SYNPR: variants seen among roughly 807,000 people sequenced by gnomAD.
SYNPR encodes the protein synaptoporin.
A neutral mutation model predicts 32.9 loss-of-function variants in SYNPR; 23 were observed. That is an observed-to-expected ratio of 0.70 (90% CI 0.50 to 0.99). SYNPR has a LOEUF of 0.99. Ranked by LOEUF, SYNPR falls within the 50% of genes least tolerant of loss-of-function variation. The pLI is 0.00. For missense variants in SYNPR, 318 were observed against 349.3 expected (o/e 0.91, Z 0.71); for synonymous variants, 146 against 135.9 (o/e 1.07, Z -0.52).
intron 1 of SYNPR, chr3:63,252,455 G>C (rs909664406): frequency 2.0e-5 from 3 of 152,084 alleles, no homozygotes. Flanking sequence ...TTTGGCTGTA[G>C]CATAAATCTG....
intron 2 of SYNPR, among the ~76,000 whole-genome samples, chr3:63,328,792 G>A (rs923620499): frequency 6.6e-6 from 1 of 152,090 alleles, no homozygotes; most frequent in African/African-American, 2.4e-5. Context: ...TTTATTGGTG[G>A]CTTCTGTTTA....
chr3:63,363,659 G>A (rs1418075243), intron 2 of SYNPR, among the ~76,000 whole-genome samples: 1 of 152,124 alleles, frequency 6.6e-6, no homozygotes, highest in African/African-American at 2.4e-5. Flanking sequence ...CTAATTCATG[G>A]GGTAATTACT....
intron 2 of SYNPR, among the ~76,000 whole-genome samples, chr3:63,414,342 T>C (rs1249962959): frequency 6.6e-6 from 1 of 152,150 alleles, no homozygotes; most frequent in African/African-American, 2.4e-5. Context: ...TCTGATGGAT[T>C]TCTTACTTTT....
At chr3:63,518,379 C>T (rs184287395) in intron 3 of SYNPR, among the ~76,000 whole-genome samples, 204 of 152,142 alleles carry the variant, frequency 1.3e-3, no homozygotes, top group African/African-American at 4.5e-3. Flanking sequence ...CATGCTTGAC[C>T]CCTCACACCC....
chr3:63,387,825 G>A (rs1282722704), intron 2 of SYNPR, among the ~76,000 whole-genome samples: 1 of 152,186 alleles, frequency 6.6e-6, no homozygotes, highest in Non-Finnish European at 1.5e-5. Context: ...TTGGGTGGCG[G>A]AGGGACAAAG....
At position 63,351,725 on chromosome 3, in the gene SYNPR, AT is replaced by A. The variant is rs77442703; in HGVS notation, c.84+72984del. On this transcript the variant is annotated intron_variant, in intron 2 of 5. Transcript: ENST00000478300. ...ATTTATAGATTTCATTTACTGAATAATATTTGCTAAGAACCTGCCTGCTATG... is the reference window on the plus strand; with the variant it reads ...ATTTATAGATTTCATTTACTGAATAAATTTGCTAAGAACCTGCCTGCTATG... 39 of 152,318 alleles carry A rather than the reference AT, an allele frequency of 2.6e-4. No individual in the cohort carries two copies. The East Asian group carries it at 7.5e-3, about 29-fold the overall frequency. The allele number at this position is 152,318 out of a possible 1,614,324, so 9.4% of individuals were successfully genotyped here. A position where few individuals can be genotyped will look rare whatever the true frequency, so the allele number is the denominator to read the frequency against.
intron 2 of SYNPR, among the ~76,000 whole-genome samples, chr3:63,391,528 C>T (rs1180598911): frequency 5.3e-5 from 8 of 152,178 alleles, no homozygotes; most frequent in Non-Finnish European, 8.8e-5. Flanking sequence ...TCATTGCTAA[C>T]ACCTATGAGA....
At chr3:63,481,257 C>T (rs1374945626) in intron 3 of SYNPR, among the ~76,000 whole-genome samples, 1 of 152,048 alleles carries the variant, frequency 6.6e-6, no homozygotes, top group Non-Finnish European at 1.5e-5. Context: ...TTTTAAAATA[C>T]GATCAAATAA....
At chr3:63,477,061 C>A (rs942831913) in intron 2 of SYNPR, among the ~76,000 whole-genome samples, 3 of 152,134 alleles carry the variant, frequency 2.0e-5, no homozygotes, top group Non-Finnish European at 2.9e-5. Context: ...AGGAAATGGG[C>A]TCAAGCTTAG....
At chr3:63,399,849 T>C (rs191919340) in intron 2 of SYNPR, among the ~76,000 whole-genome samples, 2 of 152,356 alleles carry the variant, frequency 1.3e-5, no homozygotes, top group African/African-American at 4.8e-5. Flanking sequence ...CTCTGGCTGA[T>C]TGAAGGACAT....
intron 2 of SYNPR, among the ~76,000 whole-genome samples, chr3:63,418,191 C>T (rs991914628): frequency 8.5e-5 from 13 of 152,184 alleles, no homozygotes; most frequent in Admixed American, 4.6e-4. Flanking sequence ...CAAAGTTCCA[C>T]AAATCTCTGG....
intron 3 of SYNPR, among the ~76,000 whole-genome samples, chr3:63,534,153 A>G (rs1702160099): frequency 6.6e-6 from 1 of 152,190 alleles, no homozygotes; most frequent in Non-Finnish European, 1.5e-5. Context: ...TCAGGGCTTT[A>G]TTACCTTGTT....
intron 3 of SYNPR, among the ~76,000 whole-genome samples, chr3:63,553,697 G>A (rs188671663): frequency 1.3e-5 from 2 of 151,820 alleles, no homozygotes; most frequent in African/African-American, 4.8e-5. Flanking sequence ...ATATTTTTTT[G>A]GCCACTTCTA....
At chr3:63,458,603 C>T (rs1182024820) in intron 2 of SYNPR, among the ~76,000 whole-genome samples, 1 of 152,098 alleles carries the variant, frequency 6.6e-6, no homozygotes, top group African/African-American at 2.4e-5. Flanking sequence ...ATGCCACTTG[C>T]ACATTCTGTT....
chr3:63,237,789 T>C (rs2086210524), intron 1 of SYNPR, among the ~76,000 whole-genome samples: 1 of 152,088 alleles, frequency 6.6e-6, no homozygotes, highest in Admixed American at 6.6e-5. Context: ...TCTGCTTGGT[T>C]TAAATGGTGC....
Position 63,616,399 on chromosome 3 carries a change from T to G in SYNPR, c.*918T>G, listed in dbSNP as rs1014087717. ...AGAATAATGGAGATGCAGATATAGA[T>G]ACCATAGTCAAGGTACCGCCTTGCT... On this transcript the variant is annotated 3_prime_UTR_variant, in exon 6 of 6. Coordinates refer to ENST00000478300, the MANE Select transcript of SYNPR (RefSeq NM_001130003.2). The G allele has an allele frequency of 6.6e-6, 1 of 152,336 alleles. No individual in the cohort carries two copies. Among genetic ancestry groups the G allele is most frequent in the African/African-American group, 2.4e-5 (1 of 41,446 alleles). 9.4% of individuals were successfully genotyped at this position (152,336 alleles called of 1,614,324 possible). A position where few individuals can be genotyped will look rare whatever the true frequency, so the allele number is the denominator to read the frequency against.
In SYNPR at chr3:63,439,039, C is replaced by T. The variant is rs548521106; in HGVS notation, c.85-41793C>T. On this transcript the variant is annotated intron_variant, in intron 2 of 5. Coordinates refer to ENST00000478300, the MANE Select transcript of SYNPR (RefSeq NM_001130003.2). ...GCCTGAAAGGACCCCTTTTGAGAGG[C>T]CAGATGTTTAGAAATAGAAGCTATA... Among the ~76,000 whole-genome samples, 44 of 152,272 alleles carry T rather than the reference C, an allele frequency of 2.9e-4. No individual in the cohort carries two copies. The East Asian group carries it at 3.9e-3, about 13-fold the overall frequency.
intron 2 of SYNPR, among the ~76,000 whole-genome samples, chr3:63,369,386 G>A (rs893264482): frequency 2.6e-5 from 4 of 152,194 alleles, no homozygotes; most frequent in Non-Finnish European, 4.4e-5. Context: ...GGGGTTAAGT[G>A]TGGAAAGAGG....
the SYNPR span, among the ~76,000 whole-genome samples, chr3:63,211,236 T>C: frequency 2.0e-5 from 3 of 152,072 alleles, no homozygotes; most frequent in Non-Finnish European, 4.4e-5. Context: ...CCTGGCTAAT[T>C]TTTATATTTT....
Sources: allele counts gnomAD v4.1 joint callset (sites outside exome capture counted in the v4.1 genomes callset), GRCh38; gene constraint gnomAD v4.1.1; transcripts MANE v1.5; gene names NCBI Gene and HGNC (gene_info 2026-07-23, HGNC 2026-07-21).